Variants in GSTA3 observed in about 807,000 individuals in gnomAD.
The protein encoded by GSTA3 is glutathione S-transferase A3.
Under a neutral mutation model 23.1 loss-of-function variants are expected in GSTA3, and 16 were observed. The ratio of observed to expected loss-of-function variants is 0.69; its 90% CI spans 0.47 to 1.05. The LOEUF is 1.05. Ranked by LOEUF, GSTA3 falls within the 50% of genes least tolerant of loss-of-function variation. The pLI is 0.00. For missense variants in GSTA3, 319 were observed against 263.6 expected (o/e 1.21, Z -1.46); for synonymous variants, 122 against 91.0 (o/e 1.34, Z -1.94).
At position 52,900,058 on chromosome 6, in the gene GSTA3, T is replaced by C. The variant is rs141590731; in HGVS notation, c.290A>G (p.Glu97Gly). The C allele has an allele frequency of 6.2e-7, 1 of 1,611,350 alleles. No homozygotes were observed. Among genetic ancestry groups the C allele is most frequent in the Non-Finnish European group, 8.5e-7 (1 of 1,179,184 alleles). The change falls in exon 5 of 7, where the codon GAA becomes GGA. Residue 97 changes from glutamate to glycine, a missense_variant. Coordinates refer to ENST00000211122, the MANE Select transcript of GSTA3 (RefSeq NM_000847.5). The part of the protein sequence containing the change: ...KERALIDMYT[E>G]GMADLNEMIL... The stretch of plus-strand genomic sequence containing the variant: ...CATTTCATTCAAATCTGCCATACCT[T>C]CTGTATACATATCAATTCTGAAAGA...
chr6:52,903,596 A>C, intron 3 of GSTA3, 80 bp downstream of exon 3: 3 of 476,436 alleles, frequency 6.3e-6, no homozygotes, highest in South Asian at 3.3e-5. Context: ...GACTCCGTCA[A>C]AAAAAAAAAA....
intron 2 of GSTA3, among the ~76,000 whole-genome samples, chr6:52,904,888 T>G (rs1054114925): frequency 2.0e-5 from 3 of 152,170 alleles, no homozygotes; most frequent in Non-Finnish European, 4.4e-5. Context: ...ACCACGTGTT[T>G]TCTTATCTGA....
At position 52,903,695 on chromosome 6, in the gene GSTA3, ATCT is replaced by A; in HGVS notation, c.117_119del (p.Glu39del). The A allele has an allele frequency of 6.3e-7, 1 of 1,590,986 alleles. No homozygotes were observed. Among genetic ancestry groups the A allele is most frequent in the Non-Finnish European group, 8.6e-7 (1 of 1,159,368 alleles). On this transcript the variant is annotated inframe_deletion, in exon 3 of 7. Transcript: ENST00000211122. Reference sequence around the variant, plus strand: ...TCTTACCATTTCTTAACTTTCCCAAATCTTCTGCAGATCCTATAAATTTCTCTT... The same window carrying A: ...TCTTACCATTTCTTAACTTTCCCAAATCTGCAGATCCTATAAATTTCTCTT...
At chr6:52,901,264 T>C (rs970346053) in intron 4 of GSTA3, among the ~76,000 whole-genome samples, 6 of 152,204 alleles carry the variant, frequency 3.9e-5, no homozygotes, top group East Asian at 1.9e-4. Context: ...TCTGTACCCA[T>C]TGAGTATTCA....
At chr6:52,898,279 C>G (rs1387492695) in intron 5 of GSTA3, among the ~76,000 whole-genome samples, 1 of 152,172 alleles carries the variant, frequency 6.6e-6, no homozygotes, top group Non-Finnish European at 1.5e-5. Flanking sequence ...CCAGGCCCTA[C>G]AGCGTGTAGC....
At chr6:52,902,685 AT>A (rs1436322397) in intron 3 of GSTA3, among the ~76,000 whole-genome samples, 1 of 152,040 alleles carries the variant, frequency 6.6e-6, no homozygotes, top group Non-Finnish European at 1.5e-5. Flanking sequence ...CTGTTATTTC[AT>A]TTATGTTTTT....
chr6:52,908,747 A>G (rs1398507365), intron 1 of GSTA3, among the ~76,000 whole-genome samples: 1 of 152,210 alleles, frequency 6.6e-6, no homozygotes, highest in Non-Finnish European at 1.5e-5. Flanking sequence ...GAACTTGCAT[A>G]TAGAAGGAAT....
At chr6:52,907,708 C>G (rs1765939575) in intron 1 of GSTA3, among the ~76,000 whole-genome samples, 2 of 151,552 alleles carry the variant, frequency 1.3e-5, no homozygotes, top group African/African-American at 4.8e-5. Flanking sequence ...TCATTCTCAG[C>G]AAACTATCGC....
At chr6:52,904,318 G>T (rs1171918554) in intron 2 of GSTA3, among the ~76,000 whole-genome samples, 1 of 151,960 alleles carries the variant, frequency 6.6e-6, no homozygotes, top group Non-Finnish European at 1.5e-5. Context: ...ACCTCCCCAC[G>T]ATCTCACAAA....
chr6:52,903,652 AG>A, intron 3 of GSTA3, 23 bp downstream of exon 3: 1 of 1,314,628 alleles, frequency 7.6e-7, no homozygotes, highest in East Asian at 2.3e-5. Flanking sequence ...CCCTCATCAG[AG>A]GCACTTAGAG....
At chr6:52,903,750 G>A (rs1238944513) in intron 2 of GSTA3, 23 bp from the exon 3 acceptor site, 5 of 1,494,880 alleles carry the variant, frequency 3.3e-6, no homozygotes, top group Non-Finnish European at 3.7e-6. Context: ...ACAGTAAATG[G>A]GTTCTTGTTA....
chr6:52,898,083 G>A (rs186944594), intron 5 of GSTA3, 127 bp from the exon 6 acceptor site: 3 of 1,078,484 alleles, frequency 2.8e-6, no homozygotes, highest in Admixed American at 1.8e-5. Flanking sequence ...GAAGGTCCAG[G>A]CCTTTGTTTA....
intron 1 of GSTA3, among the ~76,000 whole-genome samples, chr6:52,907,993 T>TA (rs113067945): frequency 3.6e-4 from 53 of 146,286 alleles, no homozygotes; most frequent in Admixed American, 6.8e-4. Flanking sequence ...ATAAATAAAT[T>TA]AAAAAAAAAA....
Position 52,900,014 on chromosome 6 carries a change from A to C in GSTA3, c.334T>G (p.Cys112Gly). Residue 112 changes from cysteine (C) to glycine (G), a missense_variant, in exon 5 of 7, where the codon TGT becomes GGT. Transcript: ENST00000211122. Reference sequence around the variant, plus strand: ...TTGGCATCTTTTTCCTCAGGTCGACATAAGGGCAGAAGAAGGATCATTTCA... The same window carrying C: ...TTGGCATCTTTTTCCTCAGGTCGACCTAAGGGCAGAAGAAGGATCATTTCA... ...LNEMILLLPLCRPEEKDAKIA... is the reference protein window; with the variant it reads ...LNEMILLLPLGRPEEKDAKIA... The C allele has an allele frequency of 1.9e-6, 3 of 1,613,638 alleles. No homozygotes were observed. The highest frequency in any genetic ancestry group is 2.5e-6 in the Non-Finnish European group (3 of 1,179,532).
chr6:52,907,103 A>C (rs1194190331), intron 1 of GSTA3, among the ~76,000 whole-genome samples: 1 of 146,966 alleles, frequency 6.8e-6, no homozygotes, highest in East Asian at 2.0e-4. Context: ...CAATGAACTC[A>C]AACAAATTTA....
intron 6 of GSTA3, 52 bp downstream of exon 6, chr6:52,897,773 C>T (rs1229298287): frequency 1.2e-6 from 2 of 1,606,436 alleles, no homozygotes; most frequent in Non-Finnish European, 1.7e-6. Flanking sequence ...GATACTAGAT[C>T]CCAAGATGGG....
chr6:52,907,279 T>A (rs1765921980), intron 1 of GSTA3, among the ~76,000 whole-genome samples: 1 of 116,104 alleles, frequency 8.6e-6, no homozygotes, highest in Non-Finnish European at 1.7e-5. Context: ...TGAGATACCA[T>A]CTCACACCAG....
At chr6:52,898,069 G>C in intron 5 of GSTA3, 113 bp from the exon 6 acceptor site, 1 of 1,204,228 alleles carries the variant, frequency 8.3e-7, no homozygotes, top group Non-Finnish European at 1.2e-6. Context: ...TAACTGGATG[G>C]TGTGAAGGTC....
intron 6 of GSTA3, 62 bp downstream of exon 6, chr6:52,897,763 G>T: frequency 1.3e-6 from 2 of 1,592,068 alleles, no homozygotes; most frequent in South Asian, 2.2e-5. Context: ...CAAGGGCCCA[G>T]ATACTAGATC....
Sources: gnomAD v4.1 joint callset for allele counts (sites outside exome capture counted in the v4.1 genomes callset) on GRCh38, gnomAD v4.1.1 for gene constraint, MANE v1.5 for transcripts, NCBI Gene and HGNC (gene_info 2026-07-23, HGNC 2026-07-21) for gene names.